The following DUX4 variants were observed in gnomAD, a reference collection of about 807,000 sequenced individuals.
The protein encoded by DUX4 is double homeobox protein 4.
chr4:190,178,618 T>TTCTCAAAATTCCC (rs1742437346), downstream of DUX4, among the ~76,000 whole-genome samples: 1 of 152,056 alleles, frequency 6.6e-6, no homozygotes, highest in Admixed American at 6.5e-5. Flanking sequence ...GTGCAGAGAT[T>TTCTCAAAATTCCC]TGTCGAAATT....
At chr4:190,178,088 GCAGA>G (rs1742404310), downstream of DUX4, among the ~76,000 whole-genome samples, 1 of 118,512 alleles carries the variant, frequency 8.4e-6, no homozygotes, top group African/African-American at 2.9e-5. Context: ...GCCCCTGTAG[GCAGA>G]GCCTAGACAA....
At chr4:190,179,449 T>TA (rs1742493365), downstream of DUX4, among the ~76,000 whole-genome samples, 2 of 82,144 alleles carry the variant, frequency 2.4e-5, no homozygotes, top group African/African-American at 4.8e-5. Flanking sequence ...CAAAGCACCC[T>TA]GTAAGCAGAT....
chr4:190,175,485 C>A (rs1394371091), intron 1 of DUX4, among the ~76,000 whole-genome samples, 162 bp from the exon 2 acceptor site: 1 of 44,480 alleles, frequency 2.2e-5, no homozygotes, highest in East Asian at 7.3e-4. Context: ...CCGGGCCCCG[C>A]GCAGCGTCCG....
At chr4:190,182,285 G>C (rs1408785903) in intron 1 of DUX4, 1 of 103,270 alleles carries the variant, frequency 9.7e-6, no homozygotes, top group African/African-American at 2.7e-5. Context: ...AGGGTTAGGG[G>C]TTAGGCTTAG....
chr4:190,176,170 A>C (rs1410130248), downstream of DUX4, among the ~76,000 whole-genome samples: 2 of 109,004 alleles, frequency 1.8e-5, 1 homozygote, highest in African/African-American at 5.4e-5. Context: ...CAAAGCCCCT[A>C]TAAGCCAAAC....
chr4:190,181,149 C>G (rs1742548234), intron 1 of DUX4, among the ~76,000 whole-genome samples: 2 of 142,826 alleles, frequency 1.4e-5, no homozygotes, highest in Middle Eastern at 3.8e-3. Context: ...AGATCTGTCA[C>G]AATGCCCCTT....
intron 1 of DUX4, among the ~76,000 whole-genome samples, chr4:190,181,462 C>G (rs1579837464): frequency 0.027 from 816 of 30,628 alleles, no homozygotes; most frequent in Middle Eastern, 0.048. Context: ...GTTACATCAC[C>G]TAGATGATCA....
chr4:190,177,534 C>CCCCTGTAGAAAAA (rs1742373158), downstream of DUX4, among the ~76,000 whole-genome samples: 1 of 148,398 alleles, frequency 6.7e-6, no homozygotes, highest in Non-Finnish European at 1.5e-5. Flanking sequence ...GTCACAATTC[C>CCCCTGTAGAAAAA]CCTTTAGGCA....
chr4:190,176,099 C>T (rs1365165692), downstream of DUX4, among the ~76,000 whole-genome samples: 224 of 110,988 alleles, frequency 2.0e-3, 4 homozygotes, highest in East Asian at 0.026. Flanking sequence ...CATAAAGCCT[C>T]CTGTAGGCAG....
chr4:190,181,655 G>GTTTT (rs1742589054), intron 1 of DUX4, among the ~76,000 whole-genome samples: 3 of 131,932 alleles, frequency 2.3e-5, no homozygotes, highest in East Asian at 2.2e-4. Context: ...GCCTAGACAA[G>GTTTT]AGTCCCATCA....
downstream of DUX4, among the ~76,000 whole-genome samples, chr4:190,176,286 G>T (rs1742300869): frequency 1.7e-5 from 2 of 114,348 alleles, no homozygotes; most frequent in African/African-American, 2.6e-5. Context: ...GAGCATTGGA[G>T]AGATCTGTCA....
downstream of DUX4, among the ~76,000 whole-genome samples, chr4:190,178,365 CAA>C (rs1742420945): frequency 6.6e-6 from 1 of 151,030 alleles, no homozygotes; most frequent in Non-Finnish European, 1.5e-5. Context: ...CCCCTGTAGG[CAA>C]AGCCTAGGCA....
chr4:190,178,804 G>GTAATCAGTGACGAGATCTCTCACAAT (rs1742453326), downstream of DUX4, among the ~76,000 whole-genome samples: 3 of 149,226 alleles, frequency 2.0e-5, no homozygotes, highest in African/African-American at 2.4e-5. Context: ...CATCACTTGG[G>GTAATCAGTGACGAGATCTCTCACAAT]TGATCAGTGG....
intron 1 of DUX4, among the ~76,000 whole-genome samples, chr4:190,181,299 G>A (rs1742562756): frequency 4.1e-4 from 36 of 86,758 alleles, no homozygotes; most frequent in Non-Finnish European, 6.5e-4. Flanking sequence ...CCGCCAGTAG[G>A]CAGAGCCTAA....
downstream of DUX4, among the ~76,000 whole-genome samples, chr4:190,176,392 A>C (rs1323189018): frequency 1.8e-5 from 2 of 111,866 alleles, 1 homozygote; most frequent in Non-Finnish European, 4.2e-5. Flanking sequence ...GAACCTAGAC[A>C]GGAGTTACAT....
chr4:190,177,730 A>T (rs1742382667), downstream of DUX4, among the ~76,000 whole-genome samples: 1,779 of 122,820 alleles, frequency 0.014, no homozygotes, highest in African/African-American at 0.024. Context: ...GAGATATATC[A>T]CAATGCCCCT....
At chr4:190,177,108 G>A (rs1742342072), downstream of DUX4, among the ~76,000 whole-genome samples, 2,988 of 111,164 alleles carry the variant, frequency 0.027, no homozygotes, top group East Asian at 0.066. Flanking sequence ...TCAGTGCAGA[G>A]ATATTTCACA....
intron 1 of DUX4, among the ~76,000 whole-genome samples, chr4:190,181,638 AGG>A (rs1742588295): frequency 0.016 from 1,097 of 66,740 alleles, 3 homozygotes; most frequent in Non-Finnish European, 0.025. Context: ...AGCCCCCTGT[AGG>A]CAGAGCCTAG....
At chr4:190,176,775 G>A (rs1442243772), downstream of DUX4, among the ~76,000 whole-genome samples, 7,974 of 39,974 alleles carry the variant, frequency 0.2, 162 homozygotes, top group Middle Eastern at 0.31. Flanking sequence ...ATATGTACCA[G>A]TGTCCCCTGT....
Sources: gnomAD v4.1 joint callset for allele counts (sites outside exome capture counted in the v4.1 genomes callset) on GRCh38, gnomAD v4.1.1 for gene constraint, MANE v1.5 for transcripts, NCBI Gene and HGNC (gene_info 2026-07-23, HGNC 2026-07-21) for gene names.